SGCZ: variants seen among roughly 807,000 people sequenced by gnomAD.
SGCZ encodes zeta-sarcoglycan.
In SGCZ, 40 loss-of-function variants were observed where a neutral mutation model predicts 41.3. That is an observed-to-expected ratio of 0.97 (90% confidence interval 0.75 to 1.26). The LOEUF (loss-of-function observed/expected upper bound fraction) is 1.26. SGCZ is among the 50% of genes most tolerant of loss of function. The probability of loss-of-function intolerance (pLI) is 0.00; values close to 1 mark genes in which losing one functional copy is unlikely to be tolerated. For synonymous variants in SGCZ, 206 were observed against 137.5 expected, an observed-to-expected ratio of 1.50 and a Z score of -3.49; for missense variants, 552 against 369.8, an observed-to-expected ratio of 1.49 and a Z score of -4.04.
chr8:14,432,905 C>G (rs534526101), intron 2 of SGCZ, among the ~76,000 whole-genome samples: 8 of 84,668 alleles, frequency 9.4e-5, no homozygotes, highest in Admixed American at 4.1e-4. Context: ...AAGAGTGAGA[C>G]TGTGTCTCCA....
intron 1 of SGCZ, among the ~76,000 whole-genome samples, chr8:14,767,095 T>C (rs1214229954): frequency 6.6e-6 from 1 of 152,248 alleles, no homozygotes; most frequent in Non-Finnish European, 1.5e-5. Context: ...TTAATCATCC[T>C]TCATAATACT....
chr8:14,764,598 G>C (rs143043612), intron 1 of SGCZ, among the ~76,000 whole-genome samples: 7 of 152,216 alleles, frequency 4.6e-5, no homozygotes, highest in African/African-American at 1.7e-4. Context: ...AATTGGTTTT[G>C]TCTCATCAAA....
At chr8:15,045,584 G>T (rs1368557662) in intron 1 of SGCZ, among the ~76,000 whole-genome samples, 3 of 151,994 alleles carry the variant, frequency 2.0e-5, no homozygotes. Flanking sequence ...TCATGTTTCA[G>T]TTTATCTCTT....
chr8:14,609,361 A>T (rs530777769), intron 1 of SGCZ, among the ~76,000 whole-genome samples: 1 of 152,198 alleles, frequency 6.6e-6, no homozygotes, highest in Non-Finnish European at 1.5e-5. Flanking sequence ...ACAGAACCAA[A>T]CAAAAGTTTC....
chr8:14,398,400 C>T (rs536310292), intron 2 of SGCZ, among the ~76,000 whole-genome samples: 14 of 151,342 alleles, frequency 9.3e-5, no homozygotes, highest in African/African-American at 2.5e-4. Context: ...ATGTGAACTC[C>T]GTAAGGTTCT....
intron 1 of SGCZ, among the ~76,000 whole-genome samples, chr8:14,609,689 T>G (rs978406008): frequency 6.6e-6 from 1 of 152,200 alleles, no homozygotes. Flanking sequence ...CAGGCTCCAG[T>G]CCTCTGGGTA....
intron 5 of SGCZ, among the ~76,000 whole-genome samples, chr8:14,154,313 G>T (rs2116959508): frequency 6.6e-6 from 1 of 152,236 alleles, no homozygotes; most frequent in Non-Finnish European, 1.5e-5. Context: ...AGGGTGCAGT[G>T]AGCCGAGATC....
At chr8:14,895,219 G>C (rs570513952) in intron 1 of SGCZ, among the ~76,000 whole-genome samples, 72 of 152,194 alleles carry the variant, frequency 4.7e-4, no homozygotes, top group Admixed American at 9.8e-4. Context: ...CATTTGGTGT[G>C]GTGGTTACTT....
intron 2 of SGCZ, among the ~76,000 whole-genome samples, chr8:14,342,645 T>C (rs1049897020): frequency 6.6e-6 from 1 of 152,120 alleles, no homozygotes; most frequent in Non-Finnish European, 1.5e-5. Flanking sequence ...CAGCAGAGCA[T>C]TCAAGAGGTG....
intron 4 of SGCZ, among the ~76,000 whole-genome samples, chr8:14,209,788 T>A (rs1805740247): frequency 6.6e-6 from 1 of 152,158 alleles, no homozygotes; most frequent in Non-Finnish European, 1.5e-5. Context: ...AAAGTTACGT[T>A]GGTATTTAAA....
chr8:15,070,393 G>A (rs1267375378), intron 1 of SGCZ, among the ~76,000 whole-genome samples: 1 of 152,096 alleles, frequency 6.6e-6, no homozygotes, highest in Non-Finnish European at 1.5e-5. Flanking sequence ...CTGATAATAT[G>A]CAACTGACAC....
At chr8:14,947,726 G>C (rs1418577417) in intron 1 of SGCZ, among the ~76,000 whole-genome samples, 1 of 152,112 alleles carries the variant, frequency 6.6e-6, no homozygotes, top group Non-Finnish European at 1.5e-5. Flanking sequence ...CATTAAATAT[G>C]ATGTTACCTC....
At chr8:14,395,509 G>A (rs955458851) in intron 2 of SGCZ, among the ~76,000 whole-genome samples, 1 of 152,142 alleles carries the variant, frequency 6.6e-6, no homozygotes, top group African/African-American at 2.4e-5. Context: ...AATAACAACA[G>A]AGTCCAAAGG....
intron 1 of SGCZ, among the ~76,000 whole-genome samples, chr8:15,160,429 A>C (rs887297808): frequency 6.6e-6 from 1 of 152,202 alleles, no homozygotes; most frequent in South Asian, 2.1e-4. Flanking sequence ...GGCTACTGTG[A>C]ATAACGCTGC....
intron 1 of SGCZ, among the ~76,000 whole-genome samples, chr8:14,920,891 G>A (rs192850217): frequency 2.0e-5 from 3 of 152,292 alleles, no homozygotes; most frequent in Admixed American, 2.0e-4. Flanking sequence ...CCGCATGCCT[G>A]AACCAGAATT....
intron 1 of SGCZ, among the ~76,000 whole-genome samples, chr8:14,898,931 C>G (rs1195295894): frequency 2.6e-5 from 4 of 152,078 alleles, no homozygotes; most frequent in Non-Finnish European, 5.9e-5. Flanking sequence ...TCAGAATTTT[C>G]AAAATCAACA....
intron 1 of SGCZ, among the ~76,000 whole-genome samples, chr8:15,008,070 A>G (rs1038064003): frequency 6.6e-6 from 1 of 152,194 alleles, no homozygotes; most frequent in African/African-American, 2.4e-5. Flanking sequence ...AAAATATCAA[A>G]AAAACTACTG....
At chr8:14,971,880 T>G (rs895555155) in intron 1 of SGCZ, among the ~76,000 whole-genome samples, 1 of 151,966 alleles carries the variant, frequency 6.6e-6, no homozygotes, top group Non-Finnish European at 1.5e-5. Context: ...AATCACTTGG[T>G]CTCGTGATCA....
chr8:15,068,773 T>C (rs150583240), intron 1 of SGCZ, among the ~76,000 whole-genome samples: 7 of 152,310 alleles, frequency 4.6e-5, no homozygotes, highest in African/African-American at 7.2e-5. Context: ...CCTAATTTAA[T>C]AAATTCTCTC....
Sources: gnomAD v4.1 joint callset for allele counts (sites outside exome capture counted in the v4.1 genomes callset) on GRCh38, gnomAD v4.1.1 for gene constraint, MANE v1.5 for transcripts, NCBI Gene and HGNC (gene_info 2026-07-23, HGNC 2026-07-21) for gene names.